The following TMTC2 variants were observed in gnomAD, a reference collection of about 807,000 sequenced individuals.
TMTC2 encodes protein O-mannosyl-transferase TMTC2.
A neutral mutation model predicts 82.4 loss-of-function variants in TMTC2; 43 were observed. That is an observed-to-expected ratio of 0.52 (90% CI 0.41 to 0.67). TMTC2 has a LOEUF of 0.67. Ranked by LOEUF, TMTC2 falls within the 30% of genes least tolerant of loss-of-function variation. TMTC2 has a pLI of 0.00. For missense variants in TMTC2, 919 were observed against 1,012.4 expected, an observed-to-expected ratio of 0.91 and a Z score of 1.25; for synonymous variants, 408 against 381.9, an observed-to-expected ratio of 1.07 and a Z score of -0.80.
intron 2 of TMTC2, among the ~76,000 whole-genome samples, chr12:82,881,885 A>G (rs910928810): frequency 2.0e-5 from 3 of 152,336 alleles, no homozygotes; most frequent in African/African-American, 7.2e-5. Context: ...ATTAACCATC[A>G]GAGTAATAAG....
intron 8 of TMTC2, among the ~76,000 whole-genome samples, chr12:83,012,543 T>C (rs1234500046): frequency 6.6e-6 from 1 of 152,198 alleles, no homozygotes; most frequent in Non-Finnish European, 1.5e-5. Flanking sequence ...TTTATTATCT[T>C]TGTCTCAGTA....
At chr12:82,915,308 A>G (rs1015996838) in intron 3 of TMTC2, among the ~76,000 whole-genome samples, 1 of 152,168 alleles carries the variant, frequency 6.6e-6, no homozygotes, top group African/African-American at 2.4e-5. Flanking sequence ...TCTTGTGGTT[A>G]TGCATAGCAT....
chr12:82,690,304 C>T (rs1355287259), intron 1 of TMTC2: 2 of 904,780 alleles, frequency 2.2e-6, no homozygotes, highest in African/African-American at 1.8e-5. Flanking sequence ...TTCTGCTGCC[C>T]TCCAGGAACT....
rs1885350858 is a variant in TMTC2 at position 83,133,969 on chromosome 12, T to A, written c.*1580T>A. The A allele has an allele frequency of 6.6e-6, 1 of 152,520 alleles. No homozygotes were observed. Among genetic ancestry groups the A allele is most frequent in the Non-Finnish European group, 1.5e-5 (1 of 68,026 alleles). The allele number at this position is 152,520 out of a possible 1,614,324, so 9.4% of individuals were successfully genotyped here. A position where few individuals can be genotyped will look rare whatever the true frequency, so the allele number is the denominator to read the frequency against. On this transcript the variant is annotated 3_prime_UTR_variant, in exon 12 of 12. Transcript: ENST00000321196. The stretch of plus-strand genomic sequence containing the variant: ...ATTAAAAAGAAGCTGGACATGCAAA[T>A]ACATCATATTATGTTTTCTCCATAT...
At chr12:82,708,127 T>G (rs1460097223) in intron 1 of TMTC2, among the ~76,000 whole-genome samples, 1 of 152,212 alleles carries the variant, frequency 6.6e-6, no homozygotes, top group East Asian at 1.9e-4. Context: ...CAGGGTTTAG[T>G]AGTTGTGACA....
chr12:83,023,494 AG>A (rs1414034080), intron 8 of TMTC2, among the ~76,000 whole-genome samples: 2 of 152,116 alleles, frequency 1.3e-5, no homozygotes, highest in Non-Finnish European at 2.9e-5. Flanking sequence ...CTCCTTTCCC[AG>A]GGGTTAACCT....
At chr12:83,115,318 G>C (rs1176296634) in intron 11 of TMTC2, among the ~76,000 whole-genome samples, 2 of 151,862 alleles carry the variant, frequency 1.3e-5, no homozygotes, top group Non-Finnish European at 2.9e-5. Flanking sequence ...TGGTTCAAAG[G>C]AAAAGAAAAA....
chr12:82,809,632 A>AT (rs1401245176), intron 1 of TMTC2, among the ~76,000 whole-genome samples: 1 of 152,040 alleles, frequency 6.6e-6, no homozygotes, highest in Non-Finnish European at 1.5e-5. Context: ...GTCATTCACA[A>AT]TTTTTTCGTA....
At chr12:82,835,607 T>C (rs1428846249) in intron 1 of TMTC2, among the ~76,000 whole-genome samples, 3 of 152,236 alleles carry the variant, frequency 2.0e-5, no homozygotes, top group East Asian at 3.8e-4. Context: ...CTGCTTAGAA[T>C]AGAATCAACA....
At chr12:83,118,459 G>A (rs1172920810) in intron 11 of TMTC2, among the ~76,000 whole-genome samples, 2 of 151,866 alleles carry the variant, frequency 1.3e-5, no homozygotes, top group East Asian at 3.9e-4. Flanking sequence ...TTCTGTTTAT[G>A]TGGTGTGTCA....
At chr12:82,821,589 G>C (rs1473321366) in intron 1 of TMTC2, among the ~76,000 whole-genome samples, 1 of 152,002 alleles carries the variant, frequency 6.6e-6, no homozygotes, top group Admixed American at 6.6e-5. Context: ...CTGGATTCCT[G>C]CTATGTGGTA....
intron 1 of TMTC2, among the ~76,000 whole-genome samples, chr12:82,764,712 C>A (rs564832855): frequency 2.0e-5 from 3 of 151,862 alleles, no homozygotes; most frequent in Admixed American, 2.0e-4. Context: ...CGCCTTTCTC[C>A]GAAGATGATT....
intron 1 of TMTC2, among the ~76,000 whole-genome samples, chr12:82,693,303 T>C (rs538845217): frequency 6.6e-6 from 1 of 152,350 alleles, no homozygotes; most frequent in Non-Finnish European, 1.5e-5. Context: ...TGTTAGCTTC[T>C]TTTCCAAAAC....
At chr12:82,855,958 A>G (rs1220664259) in intron 1 of TMTC2, among the ~76,000 whole-genome samples, 1 of 152,234 alleles carries the variant, frequency 6.6e-6, no homozygotes, top group East Asian at 1.9e-4. Flanking sequence ...TGGGAAACCC[A>G]GAATAGTGGA....
intron 11 of TMTC2, among the ~76,000 whole-genome samples, chr12:83,063,891 A>G (rs893124304): frequency 6.6e-6 from 1 of 151,862 alleles, no homozygotes. Context: ...GAGTTACAGC[A>G]GGGAACGGGG....
intron 2 of TMTC2, among the ~76,000 whole-genome samples, chr12:82,890,105 C>CT (rs1247862227): frequency 1.3e-5 from 2 of 152,148 alleles, no homozygotes; most frequent in Non-Finnish European, 2.9e-5. Context: ...TCTGTGAAGT[C>CT]TATCTCTTTA....
intron 11 of TMTC2, among the ~76,000 whole-genome samples, chr12:83,120,259 T>C (rs1218617410): frequency 1.3e-5 from 2 of 152,258 alleles, no homozygotes; most frequent in African/African-American, 4.8e-5. Context: ...GTGAGATTTA[T>C]GCTTTAAAGA....
chr12:82,739,221 G>A (rs1269310316), intron 1 of TMTC2, among the ~76,000 whole-genome samples: 2 of 151,830 alleles, frequency 1.3e-5, no homozygotes, highest in Non-Finnish European at 2.9e-5. Flanking sequence ...ATATGGCAGT[G>A]ATTGTAAATA....
At chr12:82,995,083 T>C (rs1474563954) in intron 8 of TMTC2, among the ~76,000 whole-genome samples, 1 of 152,192 alleles carries the variant, frequency 6.6e-6, no homozygotes, top group Non-Finnish European at 1.5e-5. Context: ...CATTTTCACA[T>C]GAGTTAAACT....
Sources: allele counts gnomAD v4.1 joint callset (sites outside exome capture counted in the v4.1 genomes callset), GRCh38; gene constraint gnomAD v4.1.1; transcripts MANE v1.5; gene names NCBI Gene and HGNC (gene_info 2026-07-23, HGNC 2026-07-21).